Variants in MAP3K10 observed in about 807,000 individuals in gnomAD.
MAP3K10 encodes mitogen-activated protein kinase kinase kinase 10.
In MAP3K10, 22 loss-of-function variants were observed where a neutral mutation model predicts 75.0. The observed-to-expected ratio is 0.29, with a 90% confidence interval of 0.21 to 0.42. MAP3K10 has a LOEUF of 0.42. MAP3K10 is among the 10% of genes least tolerant of loss of function. MAP3K10 has a pLI of 1.00. For missense variants in MAP3K10, 1,165 were observed against 1,379.8 expected, an observed-to-expected ratio of 0.84 and a Z score of 2.47; for synonymous variants, 599 against 612.9, an observed-to-expected ratio of 0.98 and a Z score of 0.34.
chr19:40,210,971 T>TTTAACCAG (rs1254666174), intron 6 of MAP3K10, among the ~76,000 whole-genome samples: 1 of 152,212 alleles, frequency 6.6e-6, no homozygotes, highest in Non-Finnish European at 1.5e-5. Context: ...AGAAATCATG[T>TTTAACCAG]TTAACCAGCT....
Position 40,213,354 on chromosome 19 carries a change from G to T in MAP3K10, c.1838-163G>T, listed in dbSNP as rs889523297. ...CGTGGGGGGTCATTTCCAGGGGCAG[G>T]GACCACCCTTCTCTGAGGCTTCTCC... On this transcript the variant is annotated intron_variant, in intron 8 of 9. Coordinates refer to ENST00000253055, the MANE Select transcript of MAP3K10 (RefSeq NM_002446.4). The surrounding 1 kb of genome is among the most constrained non-coding windows in gnomAD (Gnocchi z 5.7). 2.1e-6 allele frequency: 3 copies of T among 1,455,628 alleles called. No individual in the cohort carries two copies. Among genetic ancestry groups the T allele is most frequent in the South Asian group, 2.8e-5 (2 of 70,270 alleles). The allele number at this position is 1,455,628 out of a possible 1,614,324, so 90.2% of individuals were successfully genotyped here. A position where few individuals can be genotyped will look rare whatever the true frequency, so the allele number is the denominator to read the frequency against.
chr19:40,204,946 T>G lies in MAP3K10; in HGVS notation c.1013-175T>G. 1 of 682,158 alleles carries G rather than the reference T, an allele frequency of 1.5e-6. No individual in the cohort carries two copies. The highest frequency in any genetic ancestry group is 1.8e-5 in the South Asian group (1 of 54,164). The allele number at this position is 682,158 out of a possible 1,614,324, so 42.3% of individuals were successfully genotyped here. On this transcript the variant is annotated intron_variant, in intron 3 of 9. Coordinates refer to ENST00000253055, the MANE Select transcript of MAP3K10 (RefSeq NM_002446.4). This position sits in a 1 kb window ranked among gnomAD's most constrained non-coding sequence, Gnocchi z 4.3. ...GGTCCCAGGGTTTCTCTCCCAGCGT[T>G]TCACTGAGTGGAATTGGCCAGGAGC...
At chr19:40,214,259 C>T (rs1973307845) in intron 9 of MAP3K10, 38 bp downstream of exon 9, 3 of 1,364,028 alleles carry the variant, frequency 2.2e-6, no homozygotes, top group Non-Finnish European at 2.8e-6. Context: ...ACAGAAAACC[C>T]CTTCTTTCCT....
At chr19:40,210,339 G>A (rs1350852579) in intron 6 of MAP3K10, among the ~76,000 whole-genome samples, 1 of 152,178 alleles carries the variant, frequency 6.6e-6, no homozygotes, top group Non-Finnish European at 1.5e-5. Flanking sequence ...ATGGAGGCTG[G>A]GAAGTCCTGC....
At chr19:40,214,885 T>G in intron 9 of MAP3K10, 85 bp from the exon 10 acceptor site, 2 of 683,224 alleles carry the variant, frequency 2.9e-6, no homozygotes, top group Non-Finnish European at 5.2e-6. Context: ...AAACCAGAAC[T>G]TGTGCTTTTC....
intron 6 of MAP3K10, among the ~76,000 whole-genome samples, chr19:40,210,043 G>A (rs1268937269): frequency 6.6e-6 from 1 of 151,900 alleles, no homozygotes; most frequent in Non-Finnish European, 1.5e-5. Flanking sequence ...CGAGGCAGGC[G>A]GATCACGAGG....
chr19:40,198,363 C>G lies in MAP3K10; in HGVS notation c.683-12C>G. On this transcript the variant is annotated splice_polypyrimidine_tract_variant and intron_variant, in intron 1 of 9. Transcript: ENST00000253055. This position sits in a 1 kb window ranked among gnomAD's most constrained non-coding sequence, Gnocchi z 4.3. ...AGGTCTGGGGTGACCCACCTTTCTT[C>G]CCACCCCACAGTCCTGATCCTGGAG... 6.2e-7 allele frequency: 1 copy of G among 1,602,352 alleles called. No individual in the cohort carries two copies. Among genetic ancestry groups the G allele is most frequent in the Middle Eastern group, 1.7e-4 (1 of 5,998 alleles).
At chr19:40,193,943 A>G (rs1294038083) in intron 1 of MAP3K10, among the ~76,000 whole-genome samples, 3 of 152,162 alleles carry the variant, frequency 2.0e-5, no homozygotes, top group Non-Finnish European at 4.4e-5. Context: ...ACATCTTGAA[A>G]TTTATTTTAA....
chr19:40,205,140 C>T lies in MAP3K10; in HGVS notation c.1032C>T (p.Pro344=), dbSNP rs1973093832. The T allele has an allele frequency of 6.2e-7, 1 of 1,613,264 alleles. No homozygotes were observed. Among genetic ancestry groups the T allele is most frequent in the African/African-American group, 1.3e-5 (1 of 74,914 alleles). ...RLLEECWDPD[P]HGRPDFGSIL... The stretch of plus-strand genomic sequence containing the variant: ...CCCCAGAATGCTGGGACCCAGACCC[C>T]CACGGGCGGCCAGATTTCGGTAGCA... The change falls in exon 4 of 10, where the codon CCC becomes CCT. Residue 344 remains proline (P), a synonymous_variant. Coordinates refer to ENST00000253055, the MANE Select transcript of MAP3K10 (RefSeq NM_002446.4). This position sits in a 1 kb window ranked among gnomAD's most constrained non-coding sequence, Gnocchi z 4.3.
Position 40,213,460 on chromosome 19 carries a change from G to A in MAP3K10, c.1838-57G>A, listed in dbSNP as rs1449590083. 14 of 1,588,896 alleles carry A rather than the reference G, an allele frequency of 8.8e-6. No homozygotes were observed. Among genetic ancestry groups the A allele is most frequent in the Admixed American group, 1.7e-5 (1 of 57,770 alleles). The stretch of plus-strand genomic sequence containing the variant: ...CATCGGGGGCTGTCCCTTGGCACAA[G>A]TCCCCGTGGGGCCCTGGCCAGCCCT... On this transcript the variant is annotated intron_variant, in intron 8 of 9. Coordinates refer to ENST00000253055, the MANE Select transcript of MAP3K10 (RefSeq NM_002446.4). This position sits in a 1 kb window ranked among gnomAD's most constrained non-coding sequence, Gnocchi z 5.7.
rs2047139171 is a variant in MAP3K10 at position 40,213,765 on chromosome 19, G to C, written c.2086G>C (p.Ala696Pro). Residue 696 changes from alanine (A) to proline (P), a missense_variant, in exon 9 of 10, where the codon GCG becomes CCG. Transcript: ENST00000253055. This position sits in a 1 kb window ranked among gnomAD's most constrained non-coding sequence, Gnocchi z 5.7. ...GGGCGCCGACGTGGCCGAGGCGCGC[G>C]CGGCCGACGGTGAGGAGCAGCGGCG... ...GLGADVAEAR[A>P]ADGEEQRRWL... is the part of the protein sequence containing the mutation. The C allele has an allele frequency of 1.8e-6, 2 of 1,139,874 alleles. No individual in the cohort carries two copies. The highest frequency in any genetic ancestry group is 5.4e-5 in the East Asian group (1 of 18,638). The allele number at this position is 1,139,874 out of a possible 1,614,324, so 70.6% of individuals were successfully genotyped here. A position where few individuals can be genotyped will look rare whatever the true frequency, so the allele number is the denominator to read the frequency against.
chr19:40,201,278 T>C (rs908128042), intron 2 of MAP3K10, among the ~76,000 whole-genome samples: 1 of 150,334 alleles, frequency 6.7e-6, no homozygotes, highest in Non-Finnish European at 1.5e-5. Flanking sequence ...GTTCAAGCAA[T>C]TATCCTGCCT....
Position 40,206,053 on chromosome 19 carries a change from A to T in MAP3K10, c.1331A>T (p.Gln444Leu). The change falls in exon 5 of 10, where the codon CAG (glutamine) becomes CTG (leucine). Residue 444 changes from glutamine to leucine, a missense_variant. Gln to Leu is a moderately radical substitution (Grantham distance 113). This residue lies in a region of MAP3K10 where 575 missense variants were observed against 793.2 expected (regional missense o/e 0.72). Transcript: ENST00000253055. ...CGGGAGCTGCACCTGCTCATGTGCC[A>T]GCTGAGCCAGGAGAAGCCCCGGGTC... The part of the protein sequence containing the change: ...VERELHLLMC[Q>L]LSQEKPRVRK... 6.2e-7 allele frequency: 1 copy of T among 1,613,516 alleles called. No homozygotes were observed. The highest frequency in any genetic ancestry group is 8.5e-7 in the Non-Finnish European group (1 of 1,179,720).
At position 40,205,952 on chromosome 19, in the gene MAP3K10, G is replaced by T; in HGVS notation, c.1230G>T (p.Gln410His). Residue 410 changes from glutamine to histidine, a missense_variant, in exon 5 of 10, where the codon CAG becomes CAT. Transcript: ENST00000253055. This position sits in a 1 kb window ranked among gnomAD's most constrained non-coding sequence, Gnocchi z 4.3. Reference sequence around the variant, plus strand: ...AGGAGGAGCTGCTGCGGGCGGCACAGGAGCAGCGCTTCCAGGAGGAGCAGC... The same window carrying T: ...AGGAGGAGCTGCTGCGGGCGGCACATGAGCAGCGCTTCCAGGAGGAGCAGC... ...SREEELLRAA[Q>H]EQRFQEEQLR... The T allele has an allele frequency of 6.2e-7, 1 of 1,602,702 alleles. No homozygotes were observed.
intron 5 of MAP3K10, among the ~76,000 whole-genome samples, chr19:40,207,797 G>A (rs1271275158): frequency 1.3e-5 from 2 of 152,106 alleles, no homozygotes; most frequent in Non-Finnish European, 2.9e-5. Flanking sequence ...CAAAATAATT[G>A]TGAGATATTT....
Position 40,214,010 on chromosome 19 carries a change from A to ACCCCCCCCCCCCCCCCCCCCACCCC in MAP3K10, c.2334_2335insCCCCCCCCCCCCCCCCCACCCCCCC (p.Ser779ProfsTer81). The ACCCCCCCCCCCCCCCCCCCCACCCC allele has an allele frequency of 1.4e-6, 1 of 726,372 alleles. No homozygotes were observed. The highest frequency in any genetic ancestry group is 1.9e-6 in the Non-Finnish European group (1 of 538,528). The allele number at this position is 726,372 out of a possible 1,614,324, so 45.0% of individuals were successfully genotyped here. A position where few individuals can be genotyped will look rare whatever the true frequency, so the allele number is the denominator to read the frequency against. On this transcript the variant is annotated frameshift_variant, in exon 9 of 10. Coordinates refer to ENST00000253055, the MANE Select transcript of MAP3K10 (RefSeq NM_002446.4). LOFTEE classifies it high-confidence loss of function. ...CCGCACCGGCCGCGCCCTCCCCACC[A>ACCCCCCCCCCCCCCCCCCCCACCCC]CCCTCCCCGCCCGCGCCCACACCCA...
rs1249366703 is a variant in MAP3K10, at chr19:40,209,115, A to G, written c.1448A>G (p.Lys483Arg). 3 of 1,613,586 alleles carry G rather than the reference A, an allele frequency of 1.9e-6. No individual in the cohort carries two copies. The highest frequency in any genetic ancestry group is 2.7e-5 in the African/African-American group (2 of 74,952). ...HISLPSGFEH[K>R]ITVQASPTLD... ...TTTCTTTCTGCAGGCTTTGAGCATAAGATCACAGTCCAGGCCTCTCCAACT... is the reference window on the plus strand; with the variant it reads ...TTTCTTTCTGCAGGCTTTGAGCATAGGATCACAGTCCAGGCCTCTCCAACT... Residue 483 changes from lysine (K) to arginine (R), a missense_variant, in exon 6 of 10, where the codon AAG becomes AGG. This residue lies in a region of MAP3K10 where 575 missense variants were observed against 793.2 expected (regional missense o/e 0.72). Transcript: ENST00000253055.
chr19:40,205,059 C>A lies in MAP3K10; in HGVS notation c.1013-62C>A. On this transcript the variant is annotated intron_variant, in intron 3 of 9. Coordinates refer to ENST00000253055, the MANE Select transcript of MAP3K10 (RefSeq NM_002446.4). This position sits in a 1 kb window ranked among gnomAD's most constrained non-coding sequence, Gnocchi z 4.3. ...CTGCCTTCCTCTGAGCAGGCTGAGT[C>A]CCCAGAGCATGACCACTGACACCTC... 6.8e-7 allele frequency: 1 copy of A among 1,480,752 alleles called. No individual in the cohort carries two copies. Among genetic ancestry groups the A allele is most frequent in the Non-Finnish European group, 9.4e-7 (1 of 1,064,268 alleles). 91.7% of individuals were successfully genotyped at this position (1,480,752 alleles called of 1,614,324 possible). A position where few individuals can be genotyped will look rare whatever the true frequency, so the allele number is the denominator to read the frequency against.
chr19:40,212,929 G>T lies in MAP3K10; in HGVS notation c.1677G>T (p.Trp559Cys). The T allele has an allele frequency of 3.7e-6, 6 of 1,612,552 alleles. No individual in the cohort carries two copies. The highest frequency in any genetic ancestry group is 4.2e-6 in the Non-Finnish European group (5 of 1,179,390). Residue 559 changes from tryptophan (W) to cysteine (C), a missense_variant, in exon 7 of 10, where the codon TGG (tryptophan) becomes TGT (cysteine). By Grantham distance (215) the Trp-to-Cys change is radical. Transcript: ENST00000253055. This position sits in a 1 kb window ranked among gnomAD's most constrained non-coding sequence, Gnocchi z 4.2. ...GGGGCAAGAAGAAGGGACGAACGTG[G>T]GGGCCCAGCTCCACCCTGCAGAAGG... ...LVGGKKKGRT[W>C]GPSSTLQKER...
Sources: gnomAD v4.1 joint callset for allele counts (sites outside exome capture counted in the v4.1 genomes callset) on GRCh38, gnomAD v4.1.1 for gene constraint, gnomAD v4.1.1 regional missense constraint, Gnocchi (gnomAD v3.1) non-coding constraint, MANE v1.5 for transcripts, NCBI Gene and HGNC (gene_info 2026-07-23, HGNC 2026-07-21) for gene names.